ADAD1: variants seen among roughly 807,000 people sequenced by gnomAD.
ADAD1 encodes the protein adenosine deaminase domain-containing protein 1.
A neutral mutation model predicts 66.8 loss-of-function variants in ADAD1; 46 were observed. The observed-to-expected ratio is 0.69, with a 90% CI of 0.54 to 0.88. ADAD1 has a LOEUF of 0.88. Ranked by LOEUF, ADAD1 falls within the 40% of genes least tolerant of loss-of-function variation. ADAD1 has a pLI of 0.00. For synonymous variants in ADAD1, 248 were observed against 229.4 expected (o/e 1.08, Z -0.73); for missense variants, 617 against 681.8 (o/e 0.91, Z 1.06).
intron 11 of ADAD1, 145 bp downstream of exon 11, chr4:122,415,761 A>T: frequency 1.3e-6 from 1 of 756,852 alleles, no homozygotes; most frequent in South Asian, 2.4e-5. Context: ...ACTATGTTAC[A>T]GGCATTGTAC....
At chr4:122,404,167 C>CTA (rs1429471639) in intron 7 of ADAD1, among the ~76,000 whole-genome samples, 1 of 152,162 alleles carries the variant, frequency 6.6e-6, no homozygotes, top group African/African-American at 2.4e-5. Flanking sequence ...TTCTGCACTC[C>CTA]TATCTGCACT....
At chr4:122,384,183 T>C (rs1387386634) in intron 5 of ADAD1, among the ~76,000 whole-genome samples, 1 of 152,228 alleles carries the variant, frequency 6.6e-6, no homozygotes, top group African/African-American at 2.4e-5. Context: ...GTTGCTAAAC[T>C]GTCCGGTAAC....
rs1796989381 is a variant in ADAD1, at chr4:122,421,257, T to C, written c.1488-4T>C. The C allele has an allele frequency of 1.3e-6, 2 of 1,584,394 alleles. No individual in the cohort carries two copies. The highest frequency in any genetic ancestry group is 1.2e-5 in the South Asian group (1 of 86,090). On this transcript the variant is annotated splice_polypyrimidine_tract_variant and splice_region_variant and intron_variant, in intron 11 of 12. Coordinates refer to ENST00000296513, the MANE Select transcript of ADAD1 (RefSeq NM_139243.4). ...TTTAAAAAATTTTATTTCTCTCTGC[T>C]TAGTTCCCCATTTAAAAGTGGTATG...
rs1344462197 is a variant in ADAD1, at chr4:122,421,243, T to G, written c.1488-18T>G. The G allele has an allele frequency of 1.4e-5, 21 of 1,518,698 alleles. No homozygotes were observed. The highest frequency in any genetic ancestry group is 4.0e-5 in the South Asian group (3 of 74,586). 94.1% of individuals were successfully genotyped at this position (1,518,698 alleles called of 1,614,324 possible). A position where few individuals can be genotyped will look rare whatever the true frequency, so the allele number is the denominator to read the frequency against. Reference sequence around the variant, plus strand: ...TACTGAAAAAGAAATTTAAAAAATTTTATTTCTCTCTGCTTAGTTCCCCAT... The same window carrying G: ...TACTGAAAAAGAAATTTAAAAAATTGTATTTCTCTCTGCTTAGTTCCCCAT... On this transcript the variant is annotated intron_variant, in intron 11 of 12. Transcript: ENST00000296513.
At chr4:122,388,099 G>A (rs1272506885) in intron 5 of ADAD1, among the ~76,000 whole-genome samples, 1 of 152,070 alleles carries the variant, frequency 6.6e-6, no homozygotes, top group Non-Finnish European at 1.5e-5. Context: ...TTTATCAAAG[G>A]CCTTTTCTGC....
chr4:122,411,837 C>T (rs1796480079), intron 9 of ADAD1, among the ~76,000 whole-genome samples: 1 of 152,120 alleles, frequency 6.6e-6, no homozygotes, highest in Non-Finnish European at 1.5e-5. Flanking sequence ...TGTACTTCAC[C>T]ACTTTTTTTG....
intron 11 of ADAD1, among the ~76,000 whole-genome samples, chr4:122,416,722 G>C (rs77253632): frequency 0.016 from 2,489 of 151,052 alleles, 67 homozygotes; most frequent in African/African-American, 0.058. Context: ...AACAGAGTGA[G>C]ACCCTATCTC....
At chr4:122,384,950 C>A (rs75058144) in intron 5 of ADAD1, among the ~76,000 whole-genome samples, 1,670 of 152,252 alleles carry the variant, frequency 0.011, 11 homozygotes, top group Non-Finnish European at 0.017. Context: ...ACTAAAAGTT[C>A]TTTAACGATA....
At chr4:122,384,826 C>T (rs568937467) in intron 5 of ADAD1, among the ~76,000 whole-genome samples, 1 of 152,130 alleles carries the variant, frequency 6.6e-6, no homozygotes, top group Admixed American at 6.5e-5. Context: ...GGCATTTAAC[C>T]ATGTCTGCTG....
rs1462873255 is a variant in ADAD1, at chr4:122,411,916, T to C, written c.1019+524T>C. On this transcript the variant is annotated intron_variant, in intron 9 of 12. Transcript: ENST00000296513. ...AAGACCTCATAAACTTGAGGAAGTA[T>C]GGATTTATGCACTACTCACATACAA... Among the ~76,000 whole-genome samples, 7 of 152,308 alleles carry C rather than the reference T, an allele frequency of 4.6e-5. No individual in the cohort carries two copies. The South Asian group carries it at 1.0e-3, about 23-fold the overall frequency.
At chr4:122,418,565 G>A (rs988449884) in intron 11 of ADAD1, among the ~76,000 whole-genome samples, 3 of 151,864 alleles carry the variant, frequency 2.0e-5, no homozygotes, top group Non-Finnish European at 2.9e-5. Context: ...CTCATGATCC[G>A]CCCGCCTTGG....
At chr4:122,393,693 A>AAC in intron 6 of ADAD1, 36 bp downstream of exon 6, 5 of 1,466,038 alleles carry the variant, frequency 3.4e-6, no homozygotes, top group Non-Finnish European at 4.6e-6. Context: ...TCTTTAGAAG[A>AAC]GTAGCCCAAT....
At chr4:122,389,805 C>T (rs1305435700) in intron 5 of ADAD1, among the ~76,000 whole-genome samples, 4 of 152,148 alleles carry the variant, frequency 2.6e-5, no homozygotes, top group African/African-American at 7.2e-5. Flanking sequence ...TGACTCCTTA[C>T]CCAGTGTGCC....
chr4:122,400,944 C>T (rs1429006345), intron 7 of ADAD1, among the ~76,000 whole-genome samples: 1 of 151,934 alleles, frequency 6.6e-6, no homozygotes, highest in East Asian at 1.9e-4. Flanking sequence ...TTTCAAAGAA[C>T]CAGCTTTTCG....
intron 10 of ADAD1, among the ~76,000 whole-genome samples, chr4:122,413,269 A>G (rs1796553085): frequency 6.6e-6 from 1 of 152,172 alleles, no homozygotes; most frequent in South Asian, 2.1e-4. Context: ...TTTACTTTTC[A>G]AAAAGTTTGC....
chr4:122,420,260 T>C (rs1796941249), intron 11 of ADAD1, among the ~76,000 whole-genome samples: 1 of 152,216 alleles, frequency 6.6e-6, no homozygotes, highest in African/African-American at 2.4e-5. Flanking sequence ...AAAACAACTA[T>C]TGTTACTACT....
Position 122,383,836 on chromosome 4 carries a change from G to A in ADAD1, c.399G>A (p.Val133=). ...VMGPYFAFCA[V]VDGIQYKTGL... ...GACCATATTTTGCCTTTTGTGCTGTGGTGGATGGTATTCAGTACAAGACTG... is the reference window on the plus strand; with the variant it reads ...GACCATATTTTGCCTTTTGTGCTGTAGTGGATGGTATTCAGTACAAGACTG... The change falls in exon 5 of 13, where the codon GTG becomes GTA. Residue 133 remains valine, a synonymous_variant. Coordinates refer to ENST00000296513, the MANE Select transcript of ADAD1 (RefSeq NM_139243.4). 1 of 1,612,570 alleles carries A rather than the reference G, an allele frequency of 6.2e-7. No homozygotes were observed. The highest frequency in any genetic ancestry group is 2.2e-5 in the East Asian group (1 of 44,830).
intron 7 of ADAD1, among the ~76,000 whole-genome samples, chr4:122,396,932 G>A (rs1795747161): frequency 6.6e-6 from 1 of 152,132 alleles, no homozygotes; most frequent in South Asian, 2.1e-4. Flanking sequence ...GAAAGTCTAA[G>A]ATGATAAAAG....
chr4:122,410,642 G>C (rs1336383484), intron 8 of ADAD1, among the ~76,000 whole-genome samples: 2 of 152,102 alleles, frequency 1.3e-5, no homozygotes, highest in African/African-American at 4.8e-5. Flanking sequence ...TTTGTGTTAG[G>C]AGCATTCCAT....
Sources: gnomAD v4.1 joint callset for allele counts (sites outside exome capture counted in the v4.1 genomes callset) on GRCh38, gnomAD v4.1.1 for gene constraint, MANE v1.5 for transcripts, NCBI Gene and HGNC (gene_info 2026-07-23, HGNC 2026-07-21) for gene names.